The following CMSS1 variants were observed in gnomAD, a reference collection of about 807,000 sequenced individuals.
The protein encoded by CMSS1 is cms1 ribosomal small subunit homolog.
Under a neutral mutation model 43.5 loss-of-function variants are expected in CMSS1, and 33 were observed. The ratio of observed to expected loss-of-function variants is 0.76; its 90% confidence interval spans 0.57 to 1.01. The LOEUF is 1.01. CMSS1 is among the 50% of genes least tolerant of loss of function. The pLI, the probability that CMSS1 is intolerant of heterozygous loss-of-function variation, is 0.00. For synonymous variants in CMSS1, 115 were observed against 117.2 expected (o/e 0.98, Z 0.12); for missense variants, 313 against 326.4 (o/e 0.96, Z 0.32).
chr3:99,840,586 G>A (rs939021613), intron 1 of CMSS1, among the ~76,000 whole-genome samples: 3 of 152,180 alleles, frequency 2.0e-5, no homozygotes, highest in African/African-American at 7.2e-5. Context: ...GAAAAATGAG[G>A]AAGAAGTTTA....
At chr3:99,889,054 G>C (rs1706001711) in intron 1 of CMSS1, among the ~76,000 whole-genome samples, 1 of 151,960 alleles carries the variant, frequency 6.6e-6, no homozygotes, top group Non-Finnish European at 1.5e-5. Context: ...TTTTTGTTCA[G>C]GTTCTCTATC....
rs1372637069 is a variant in CMSS1, at chr3:100,069,997, A to G, written c.65-76976A>G. Among the ~76,000 whole-genome samples the G allele has an allele frequency of 3.3e-5, 5 of 152,190 alleles. No individual in the cohort carries two copies. The South Asian group carries it at 8.3e-4, about 25-fold the overall frequency. ...CCTTTTTTTTCCTTTTATTTCAAACATAATTCTTGTTTGATCCTCAAATAA... is the reference window on the plus strand; with the variant it reads ...CCTTTTTTTTCCTTTTATTTCAAACGTAATTCTTGTTTGATCCTCAAATAA... On this transcript the variant is annotated intron_variant, in intron 1 of 9. Transcript: ENST00000421999.
intron 1 of CMSS1, among the ~76,000 whole-genome samples, chr3:100,093,428 C>G (rs929998197): frequency 1.3e-5 from 2 of 151,966 alleles, no homozygotes; most frequent in African/African-American, 2.4e-5. Context: ...CATTATTTTT[C>G]TTACAAAAAA....
intron 1 of CMSS1, among the ~76,000 whole-genome samples, chr3:99,984,653 C>G (rs1387338811): frequency 6.6e-6 from 1 of 152,130 alleles, no homozygotes; most frequent in Admixed American, 6.6e-5. Context: ...GCCAAATCTA[C>G]CAAGCCTCCT....
intron 1 of CMSS1, among the ~76,000 whole-genome samples, chr3:100,048,287 A>AT (rs2065310426): frequency 6.6e-6 from 1 of 152,218 alleles, no homozygotes; most frequent in Admixed American, 6.5e-5. Context: ...TTATCCCTTA[A>AT]TTTGGTTATG....
At chr3:100,155,402 C>T (rs987348694) in intron 2 of CMSS1, among the ~76,000 whole-genome samples, 1 of 152,176 alleles carries the variant, frequency 6.6e-6, no homozygotes, top group African/African-American at 2.4e-5. Context: ...TAATTGTTTC[C>T]ATATGTTCCA....
At chr3:100,162,543 C>T (rs748182037) in intron 4 of CMSS1, 111 bp downstream of exon 4, 40 of 1,190,022 alleles carry the variant, frequency 3.4e-5, no homozygotes, top group Non-Finnish European at 4.4e-5. Flanking sequence ...CATGGTGGCT[C>T]ATGCCTATAA....
At chr3:99,913,563 A>C (rs906965895) in intron 1 of CMSS1, among the ~76,000 whole-genome samples, 4 of 152,238 alleles carry the variant, frequency 2.6e-5, no homozygotes, top group African/African-American at 9.6e-5. Context: ...AATGAATTGC[A>C]TCTATAAAAT....
At chr3:100,062,135 G>C (rs1214742809) in intron 1 of CMSS1, among the ~76,000 whole-genome samples, 2 of 82,560 alleles carry the variant, frequency 2.4e-5, no homozygotes, top group African/African-American at 1.1e-4. Context: ...TTTTTGAGAC[G>C]GAGTGTTGCT....
At chr3:99,850,129 T>C (rs1465192027) in intron 1 of CMSS1, 1 of 1,612,038 alleles carries the variant, frequency 6.2e-7, no homozygotes, top group African/African-American at 1.3e-5. Flanking sequence ...TTGTAATTTA[T>C]CTTCAGTTTT....
chr3:99,995,948 G>A lies in CMSS1; in HGVS notation c.65-151025G>A, dbSNP rs374082098. Among the ~76,000 whole-genome samples the A allele has an allele frequency of 3.1e-4, 47 of 152,332 alleles. No individual in the cohort carries two copies. In the East Asian group the frequency reaches 8.7e-3, roughly 28 times the overall value. ...TGGAGGGGCTTGTGTGAAGACCTCT[G>A]ACATGCCCTGGAGACATTTTCCCCA... On this transcript the variant is annotated intron_variant, in intron 1 of 9. Coordinates refer to ENST00000421999, the MANE Select transcript of CMSS1 (RefSeq NM_032359.4).
intron 1 of CMSS1, chr3:99,931,180 A>G: frequency 1.5e-6 from 1 of 652,608 alleles, no homozygotes; most frequent in Non-Finnish European, 2.6e-6. Flanking sequence ...GAAGGATATT[A>G]GCAGATTCAT....
chr3:99,829,966 A>G (rs1942619063), intron 1 of CMSS1, among the ~76,000 whole-genome samples: 1 of 152,324 alleles, frequency 6.6e-6, no homozygotes, highest in East Asian at 1.9e-4. Flanking sequence ...TTGTCCTGTC[A>G]TCTTGATGGA....
chr3:99,936,664 C>T (rs1456981514), intron 1 of CMSS1, among the ~76,000 whole-genome samples: 2 of 149,416 alleles, frequency 1.3e-5, no homozygotes, highest in Non-Finnish European at 3.0e-5. Flanking sequence ...GAGCCACCTG[C>T]GCCCAGCCCG....
chr3:99,850,127 TATC>T, intron 1 of CMSS1: 2 of 1,612,532 alleles, frequency 1.2e-6, no homozygotes, highest in Non-Finnish European at 8.5e-7. Flanking sequence ...GCTTGTAATT[TATC>T]TTCAGTTTTC....
At chr3:100,034,021 A>G (rs931953446) in intron 1 of CMSS1, among the ~76,000 whole-genome samples, 1 of 152,238 alleles carries the variant, frequency 6.6e-6, no homozygotes, top group Non-Finnish European at 1.5e-5. Context: ...TTGAAGAAAC[A>G]TGGTGCTATT....
intron 1 of CMSS1, among the ~76,000 whole-genome samples, chr3:99,979,767 T>G (rs566304172): frequency 6.6e-6 from 1 of 152,308 alleles, no homozygotes; most frequent in South Asian, 2.1e-4. Flanking sequence ...TGTAAGGATA[T>G]AAAGAGGAAT....
At chr3:100,070,114 C>T (rs2065736472) in intron 1 of CMSS1, among the ~76,000 whole-genome samples, 1 of 152,188 alleles carries the variant, frequency 6.6e-6, no homozygotes, top group Non-Finnish European at 1.5e-5. Context: ...TGGATTTGGA[C>T]AGTGATACCA....
rs914401098 is a variant in CMSS1 at position 99,952,847 on chromosome 3, C to G, written c.64+134804C>G. On this transcript the variant is annotated intron_variant, in intron 1 of 9. Coordinates refer to ENST00000421999, the MANE Select transcript of CMSS1 (RefSeq NM_032359.4). ...TGAATTAGTTAAGGATAATTTCAAT[C>G]TTTATATGTTGGATTGTTTTTCTGC... 2.6e-5 allele frequency among the ~76,000 whole-genome samples: 4 copies of G among 152,074 alleles called. No homozygotes were observed. In the South Asian group the frequency reaches 8.3e-4, roughly 32 times the overall value.
Sources: allele counts gnomAD v4.1 joint callset (sites outside exome capture counted in the v4.1 genomes callset), GRCh38; gene constraint gnomAD v4.1.1; transcripts MANE v1.5; gene names NCBI Gene and HGNC (gene_info 2026-07-23, HGNC 2026-07-21).